The following AFF2 variants were observed in gnomAD, a reference collection of about 807,000 sequenced individuals.
AFF2 encodes the protein ALF transcription elongation factor 2, also known as AF4/FMR2 family member 2.
In AFF2, 14 loss-of-function variants were observed where a neutral mutation model predicts 76.9. The observed-to-expected ratio is 0.18, with a 90% CI of 0.12 to 0.28. AFF2 has a LOEUF of 0.28. Among genes scored for constraint, AFF2 ranks in the 10% least tolerant of loss-of-function variants. The pLI, the probability that AFF2 is intolerant of heterozygous loss-of-function variation, is 1.00. For synonymous variants in AFF2, 398 were observed against 366.7 expected (o/e 1.09, Z -0.98); for missense variants, 868 against 1,001.1 (o/e 0.87, Z 1.79).
chrX:148,694,977 G>A (rs1399723548), intron 3 of AFF2, among the ~76,000 whole-genome samples: 16 of 108,966 alleles, frequency 1.5e-4, no homozygotes, highest in African/African-American at 5.0e-4. Context: ...CACCATGCTC[G>A]GCTAATTTTT....
chrX:148,865,388 A>G (rs2070894115), intron 7 of AFF2, among the ~76,000 whole-genome samples: 1 of 112,374 alleles, frequency 8.9e-6, no homozygotes, highest in South Asian at 3.7e-4. Flanking sequence ...AATGAATGAA[A>G]GTCCTCTTGT....
intron 8 of AFF2, among the ~76,000 whole-genome samples, chrX:148,895,272 A>G (rs1557280190): frequency 9.0e-6 from 1 of 111,522 alleles, no homozygotes; most frequent in Non-Finnish European, 1.9e-5. Flanking sequence ...TGCTTACAAT[A>G]AAAATGGCTA....
At chrX:148,861,600 T>G (rs782120598) in intron 7 of AFF2, among the ~76,000 whole-genome samples, 1 of 111,378 alleles carries the variant, frequency 9.0e-6, no homozygotes, top group African/African-American at 3.3e-5. Flanking sequence ...AACTTGGCTA[T>G]AGAATTTTTT....
intron 3 of AFF2, among the ~76,000 whole-genome samples, chrX:148,786,307 G>A (rs782668502): frequency 1.8e-5 from 2 of 111,504 alleles, no homozygotes; most frequent in East Asian, 5.6e-4. Context: ...TGTAGTACAG[G>A]CATTCATGTA....
intron 7 of AFF2, among the ~76,000 whole-genome samples, chrX:148,847,967 G>A (rs1557274915): frequency 1.8e-5 from 2 of 111,758 alleles, no homozygotes; most frequent in African/African-American, 6.5e-5. Flanking sequence ...TATTTTGAAT[G>A]GATATTTTGG....
intron 7 of AFF2, among the ~76,000 whole-genome samples, chrX:148,871,277 G>A (rs1371047171): frequency 5.4e-5 from 6 of 111,045 alleles, no homozygotes; most frequent in East Asian, 2.9e-4. Context: ...TTACATACCC[G>A]TACAGGGCCC....
intron 9 of AFF2, among the ~76,000 whole-genome samples, chrX:148,905,798 A>G (rs2071401768): frequency 8.9e-6 from 1 of 112,545 alleles, no homozygotes; most frequent in South Asian, 3.7e-4. Flanking sequence ...ATTCTATTCT[A>G]ATGGCCTAGA....
chrX:148,581,806 G>A (rs2053417351), intron 1 of AFF2, among the ~76,000 whole-genome samples: 1 of 111,967 alleles, frequency 8.9e-6, no homozygotes, highest in Admixed American at 9.4e-5. Context: ...CATAAGCACA[G>A]CATATTGATC....
At chrX:148,888,207 G>A (rs782552940) in intron 8 of AFF2, among the ~76,000 whole-genome samples, 22 of 104,307 alleles carry the variant, frequency 2.1e-4, no homozygotes, top group Non-Finnish European at 3.9e-4. Context: ...CCCTAACCCC[G>A]ACAACTGCTA....
chrX:148,897,815 C>A (rs568388477), intron 8 of AFF2, among the ~76,000 whole-genome samples: 1 of 110,505 alleles, frequency 9.0e-6, no homozygotes, highest in South Asian at 3.9e-4. Flanking sequence ...AATTTTCAAA[C>A]CCACAAACCC....
intron 3 of AFF2, among the ~76,000 whole-genome samples, chrX:148,773,744 A>AAGAAAGAAAGAAAGAAAGAAAGAG (rs1569555329): frequency 1.1e-5 from 1 of 87,095 alleles, no homozygotes; most frequent in South Asian, 5.4e-4. Context: ...GAAAGAAAGA[A>AAGAAAGAAAGAAAGAAAGAAAGAG]AGAGAAAGAA....
chrX:148,663,093 A>T (rs1464348916), intron 3 of AFF2, among the ~76,000 whole-genome samples: 1 of 112,314 alleles, frequency 8.9e-6, no homozygotes, highest in African/African-American at 3.2e-5. Context: ...TTGAGATTAT[A>T]ATTGGTCATA....
At chrX:148,533,437 C>T (rs2052751382) in intron 1 of AFF2, among the ~76,000 whole-genome samples, 2 of 109,508 alleles carry the variant, frequency 1.8e-5, no homozygotes, top group Admixed American at 2.0e-4. Flanking sequence ...GGACTACAGG[C>T]ACCCACCACC....
chrX:148,540,570 C>T (rs934383353), intron 1 of AFF2, among the ~76,000 whole-genome samples: 10 of 110,980 alleles, frequency 9.0e-5, no homozygotes, highest in Non-Finnish European at 1.7e-4. Context: ...CCCATCAACC[C>T]ATCAACTGAG....
chrX:148,690,786 C>T (rs1557260703), intron 3 of AFF2, among the ~76,000 whole-genome samples: 1 of 112,064 alleles, frequency 8.9e-6, no homozygotes, highest in African/African-American at 3.2e-5. Flanking sequence ...GTACCACAGA[C>T]TTGGTGGCTT....
rs150838296 is a variant in AFF2, at chrX:148,721,836, G to A, written c.1041+59068G>A. On this transcript the variant is annotated intron_variant, in intron 3 of 20. Coordinates refer to ENST00000370460, the MANE Select transcript of AFF2 (RefSeq NM_002025.4). ...TTTCCAGATTTTGGTAGCCCCGGGC[G>A]TTGCCGTAGCACTTCAGTGTCTGTC... Among the ~76,000 whole-genome samples, 635 of 111,949 alleles carry A rather than the reference G, an allele frequency of 5.7e-3. 4 individuals carry two copies. The highest frequency in any genetic ancestry group is 0.019 in the African/African-American group (597 of 30,839).
intron 1 of AFF2, among the ~76,000 whole-genome samples, chrX:148,625,615 T>A (rs1439460108): frequency 1.8e-5 from 2 of 111,289 alleles, no homozygotes; most frequent in Non-Finnish European, 3.8e-5. Flanking sequence ...CAGATGCCAG[T>A]TACCTTTCTT....
At chrX:148,707,701 A>G (rs1202156113) in intron 3 of AFF2, among the ~76,000 whole-genome samples, 3 of 111,195 alleles carry the variant, frequency 2.7e-5, no homozygotes, top group Non-Finnish European at 3.8e-5. Flanking sequence ...GCTTGAGGTC[A>G]TAGAATAAAG....
chrX:148,946,667 C>G (rs1557286120), intron 9 of AFF2, among the ~76,000 whole-genome samples: 1 of 112,406 alleles, frequency 8.9e-6, no homozygotes, highest in Non-Finnish European at 1.9e-5. Context: ...GGACAGAACT[C>G]TCCATTGTCT....
Sources: allele counts gnomAD v4.1 joint callset (sites outside exome capture counted in the v4.1 genomes callset), GRCh38; gene constraint gnomAD v4.1.1; transcripts MANE v1.5; gene names NCBI Gene and HGNC (gene_info 2026-07-23, HGNC 2026-07-21).